FBXO47: variants seen among roughly 807,000 people sequenced by gnomAD.
The protein encoded by FBXO47 is F-box protein 47.
Under a neutral mutation model 53.9 loss-of-function variants are expected in FBXO47, and 34 were observed. The ratio of observed to expected loss-of-function variants is 0.63; its 90% confidence interval spans 0.48 to 0.84. The LOEUF (loss-of-function observed/expected upper bound fraction) is 0.84, where lower values mean the gene tolerates loss of function less well. FBXO47 is among the 40% of genes least tolerant of loss of function. The pLI is 0.00. For missense variants in FBXO47, 485 were observed against 541.3 expected (o/e 0.90, Z 1.03); for synonymous variants, 165 against 181.6 (o/e 0.91, Z 0.73).
chr17:38,950,666 C>T (rs1363116730), intron 6 of FBXO47, among the ~76,000 whole-genome samples: 3 of 151,620 alleles, frequency 2.0e-5, no homozygotes, highest in Non-Finnish European at 4.4e-5. Flanking sequence ...GGAAACAGCT[C>T]GATATAAGGT....
chr17:38,939,755 C>T (rs1036320959), intron 9 of FBXO47, among the ~76,000 whole-genome samples: 6 of 147,246 alleles, frequency 4.1e-5, no homozygotes, highest in Admixed American at 2.7e-4. Flanking sequence ...GCAAGCTCCG[C>T]TTCCCGGGTT....
chr17:38,954,674 A>C (rs1905462914), intron 5 of FBXO47, among the ~76,000 whole-genome samples, 182 bp downstream of exon 5: 1 of 152,192 alleles, frequency 6.6e-6, no homozygotes, highest in South Asian at 2.1e-4. Context: ...CCACTGAGAA[A>C]CTCAAAACAA....
At chr17:38,949,041 C>T (rs1905073443) in intron 6 of FBXO47, among the ~76,000 whole-genome samples, 1 of 151,960 alleles carries the variant, frequency 6.6e-6, no homozygotes, top group Non-Finnish European at 1.5e-5. Context: ...GGATGTAATA[C>T]TACATTTTGT....
intron 1 of FBXO47, among the ~76,000 whole-genome samples, chr17:38,965,228 T>C (rs778017437): frequency 6.6e-6 from 1 of 152,184 alleles, no homozygotes; most frequent in Non-Finnish European, 1.5e-5. Context: ...CAGAAAACAA[T>C]GTCTTTTGTG....
rs754544409 is a variant in FBXO47 at position 38,942,908 on chromosome 17, T to C, written c.953A>G (p.Glu318Gly). 1 of 1,606,530 alleles carries C rather than the reference T, an allele frequency of 6.2e-7. No individual in the cohort carries two copies. Residue 318 changes from glutamate (E) to glycine (G), a missense_variant, in exon 9 of 11, where the codon GAG becomes GGG. Transcript: ENST00000378079. ...LVDELSVVPR[E>G]WLLENNARLL... ...ACGTGCATTATTCTCTAGAAGCCAC[T>C]CACGGGGAACCACTTTTATTAGAGG...
Position 38,946,426 on chromosome 17 carries a change from ATAAATATATATGAATATATATAAC to A in FBXO47, c.617-1314_617-1291del, listed in dbSNP as rs1567716785. On this transcript the variant is annotated intron_variant, in intron 6 of 10. Transcript: ENST00000378079. ...AATATATAGATATATATATAACTAT[ATAAATATATATGAATATATATAAC>A]TATATAAATATATATGAATATATAT... is the stretch of plus-strand genomic sequence containing the variant. Among the ~76,000 whole-genome samples the A allele has an allele frequency of 5.9e-4, 57 of 96,110 alleles. 8 individuals carry two copies. Among genetic ancestry groups the A allele is most frequent in the African/African-American group, 2.6e-3 (57 of 22,192 alleles). 63.1% of individuals were successfully genotyped at this position (96,110 alleles called of 152,430 possible).
At chr17:38,966,140 T>A (rs1022540163) in intron 1 of FBXO47, among the ~76,000 whole-genome samples, 9 of 152,148 alleles carry the variant, frequency 5.9e-5, no homozygotes, top group African/African-American at 1.9e-4. Context: ...TTCCACCAAG[T>A]AAAATAATCT....
At position 38,962,847 on chromosome 17, in the gene FBXO47, G is replaced by T; in HGVS notation, c.179C>A (p.Ser60Ter). ...ATTCATAAGTTCCCAAACCTCACCTGACAAATATTTTAAAATTATCTGGAA... is the reference window on the plus strand; with the variant it reads ...ATTCATAAGTTCCCAAACCTCACCTTACAAATATTTTAAAATTATCTGGAA... The part of the protein sequence containing the change: ...EIFQIILKYL[S>*]VKDISMLSMV... The change falls in exon 2 of 11, where the codon TCA becomes TAA. Residue 60 changes from serine (S) to a stop codon, truncating the protein, a stop_gained and splice_region_variant. Coordinates refer to ENST00000378079, the MANE Select transcript of FBXO47 (RefSeq NM_001008777.3). LOFTEE classifies it high-confidence loss of function. The T allele has an allele frequency of 6.2e-7, 1 of 1,607,996 alleles. No individual in the cohort carries two copies. The highest frequency in any genetic ancestry group is 1.1e-5 in the South Asian group (1 of 90,496).
intron 9 of FBXO47, among the ~76,000 whole-genome samples, chr17:38,941,022 T>C (rs1904479104): frequency 6.6e-6 from 1 of 151,746 alleles, no homozygotes; most frequent in South Asian, 2.1e-4. Context: ...TCTCATTCTG[T>C]TGCCCAGGCT....
At chr17:38,944,191 A>G (rs12939477) in intron 7 of FBXO47, among the ~76,000 whole-genome samples, 23,325 of 133,662 alleles carry the variant, frequency 0.17, 2,121 homozygotes, top group Middle Eastern at 0.31. Context: ...CAAAAAAAAC[A>G]TGTGTGTGTG....
intron 9 of FBXO47, among the ~76,000 whole-genome samples, chr17:38,941,832 C>A (rs1445068863): frequency 1.3e-5 from 2 of 151,056 alleles, no homozygotes; most frequent in African/African-American, 2.4e-5. Flanking sequence ...GCCAACACAC[C>A]GAGCTAATTT....
chr17:38,960,044 C>T (rs1034797093), intron 3 of FBXO47, among the ~76,000 whole-genome samples: 2 of 151,474 alleles, frequency 1.3e-5, no homozygotes, highest in Non-Finnish European at 2.9e-5. Flanking sequence ...TGGGCTCAAG[C>T]GATCCTCCCA....
chr17:38,967,030 A>G (rs1474433599), intron 1 of FBXO47, among the ~76,000 whole-genome samples, 199 bp downstream of exon 1: 1 of 151,814 alleles, frequency 6.6e-6, no homozygotes, highest in Non-Finnish European at 1.5e-5. Context: ...CTGTTTTAAC[A>G]TAAAACTCTT....
chr17:38,938,448 C>G (rs1423511879), intron 10 of FBXO47, 125 bp downstream of exon 10: 2 of 695,186 alleles, frequency 2.9e-6, no homozygotes, highest in Non-Finnish European at 4.5e-6. Context: ...TTTTTAAAGT[C>G]AACATAGAAA....
chr17:38,954,003 A>C lies in FBXO47; in HGVS notation c.507+853T>G, dbSNP rs146089361. On this transcript the variant is annotated intron_variant, in intron 5 of 10. Coordinates refer to ENST00000378079, the MANE Select transcript of FBXO47 (RefSeq NM_001008777.3). Reference sequence around the variant, plus strand: ...GGTTGTTGTAAATTTAAATTAGTTAATACATGTTGTCGGGTGTGGTTGCTC... The same window carrying C: ...GGTTGTTGTAAATTTAAATTAGTTACTACATGTTGTCGGGTGTGGTTGCTC... Among the ~76,000 whole-genome samples, 324 of 152,090 alleles carry C rather than the reference A, an allele frequency of 2.1e-3. 5 individuals carry two copies. Among genetic ancestry groups the C allele is most frequent in the African/African-American group, 6.9e-3 (285 of 41,512 alleles).
intron 6 of FBXO47, among the ~76,000 whole-genome samples, chr17:38,950,462 ATTTTT>A (rs71352328): frequency 1.6e-5 from 2 of 128,534 alleles, no homozygotes; most frequent in Admixed American, 7.9e-5. Context: ...TGCCCGCCTA[ATTTTT>A]TTTTTTTTTT....
intron 6 of FBXO47, among the ~76,000 whole-genome samples, chr17:38,949,150 C>T (rs979970205): frequency 6.6e-6 from 1 of 152,112 alleles, no homozygotes; most frequent in African/African-American, 2.4e-5. Context: ...GGCATGGTGG[C>T]TCATGCCTGT....
At chr17:38,955,958 CAAAAAAA>C (rs34218216) in intron 4 of FBXO47, among the ~76,000 whole-genome samples, 34 of 30,280 alleles carry the variant, frequency 1.1e-3, no homozygotes, top group African/African-American at 2.7e-3. Context: ...ACTCCATCTC[CAAAAAAA>C]AAAAAAAAAA....
At chr17:38,940,618 C>T (rs1272894520) in intron 9 of FBXO47, among the ~76,000 whole-genome samples, 1 of 151,956 alleles carries the variant, frequency 6.6e-6, no homozygotes, top group African/African-American at 2.4e-5. Flanking sequence ...CATTTTTCTT[C>T]TGCCTTGAAT....
Sources: allele counts gnomAD v4.1 joint callset (sites outside exome capture counted in the v4.1 genomes callset), GRCh38; gene constraint gnomAD v4.1.1; transcripts MANE v1.5; gene names NCBI Gene and HGNC (gene_info 2026-07-23, HGNC 2026-07-21).